RIMBP2: variants seen among roughly 807,000 people sequenced by gnomAD.
The protein encoded by RIMBP2 is RIMS-binding protein 2.
RIMBP2 carries 48 observed loss-of-function variants against 118.6 expected under a neutral mutation model. The observed-to-expected ratio is 0.40, with a 90% CI of 0.32 to 0.51. The LOEUF is 0.51. Ranked by LOEUF, RIMBP2 falls within the 20% of genes least tolerant of loss-of-function variation. RIMBP2 has a pLI of 0.41. For missense variants in RIMBP2, 1,551 were observed against 1,768.3 expected (o/e 0.88, Z 2.20); for synonymous variants, 762 against 742.9 (o/e 1.03, Z -0.42).
Position 130,415,980 on chromosome 12 carries a change from A to AC in RIMBP2, c.3239-1675_3239-1674insG, listed in dbSNP as rs58544830. On this transcript the variant is annotated intron_variant, in intron 17 of 22. Transcript: ENST00000690449. ...ATAGCCACACACACACACACACACA[A>AC]AATATACAGAATACATCTAACCAAG... Among the ~76,000 whole-genome samples the AC allele has an allele frequency of 4.0e-3, 594 of 149,312 alleles. 3 individuals are homozygous for AC. Among genetic ancestry groups the AC allele is most frequent in the African/African-American group, 9.8e-3 (398 of 40,620 alleles).
intron 2 of RIMBP2, among the ~76,000 whole-genome samples, chr12:130,556,443 G>T (rs1443175989): frequency 1.3e-5 from 2 of 152,212 alleles, no homozygotes; most frequent in African/African-American, 4.8e-5. Context: ...GTGCTGTCTG[G>T]AAACAGATAG....
chr12:130,501,439 G>A (rs66756436), intron 4 of RIMBP2, among the ~76,000 whole-genome samples: 20,448 of 152,166 alleles, frequency 0.13, 1,489 homozygotes, highest in Middle Eastern at 0.23. Context: ...AGAGATGGGG[G>A]TTGGACTCTG....
At chr12:130,437,428 C>T in intron 12 of RIMBP2, 137 bp from the exon 13 acceptor site, 1 of 712,384 alleles carries the variant, frequency 1.4e-6, no homozygotes, top group Non-Finnish European at 2.3e-6. Context: ...AACCACCCGC[C>T]AGGTATGGAA....
chr12:130,545,079 C>A (rs755054436), intron 2 of RIMBP2, among the ~76,000 whole-genome samples: 1 of 152,194 alleles, frequency 6.6e-6, no homozygotes, highest in Non-Finnish European at 1.5e-5. Context: ...ACTTATAAAA[C>A]AGTTTACTGG....
intron 2 of RIMBP2, among the ~76,000 whole-genome samples, chr12:130,530,043 T>TC (rs2053211025): frequency 6.6e-6 from 1 of 152,122 alleles, no homozygotes; most frequent in Non-Finnish European, 1.5e-5. Context: ...CAAACCTATA[T>TC]CCCAACAGTA....
chr12:130,573,406 CTGTGTGCGTGTGAG>C (rs1183876826), intron 2 of RIMBP2, among the ~76,000 whole-genome samples: 18 of 149,496 alleles, frequency 1.2e-4, no homozygotes, highest in African/African-American at 4.4e-4. Flanking sequence ...GTGTGTGCGA[CTGTGTGCGTGTGAG>C]TGTGTGCGTG....
rs1454516159 is a variant in RIMBP2, at chr12:130,641,364, C to T, written c.-351-12908G>A. The stretch of plus-strand genomic sequence containing the variant: ...GATGGTGACTGCCGGACACTCGGCC[C>T]GGCTTCACGGGCTGGATTTAGGATG... On this transcript the variant is annotated intron_variant, in intron 1 of 22. Transcript: ENST00000690449. Among the ~76,000 whole-genome samples, 13 of 143,958 alleles carry T rather than the reference C, an allele frequency of 9.0e-5. No individual in the cohort carries two copies. The South Asian group carries it at 1.8e-3, about 20-fold the overall frequency. The allele number at this position is 143,958 out of a possible 152,430, so 94.4% of individuals were successfully genotyped here.
At chr12:130,561,631 A>G (rs1332913397) in intron 2 of RIMBP2, among the ~76,000 whole-genome samples, 4 of 152,166 alleles carry the variant, frequency 2.6e-5, no homozygotes, top group African/African-American at 9.7e-5. Flanking sequence ...TTTAACTCCC[A>G]ACTGGCCATT....
chr12:130,564,451 G>A (rs145950023), intron 2 of RIMBP2, among the ~76,000 whole-genome samples: 41 of 151,974 alleles, frequency 2.7e-4, no homozygotes, highest in African/African-American at 8.7e-4. Flanking sequence ...TTAACATTTC[G>A]CCAGCAACAA....
intron 2 of RIMBP2, among the ~76,000 whole-genome samples, chr12:130,597,895 G>T (rs1317521177): frequency 2.0e-5 from 3 of 152,208 alleles, no homozygotes; most frequent in Non-Finnish European, 4.4e-5. Flanking sequence ...AATGCAATAT[G>T]ACAAGAATGA....
Position 130,570,787 on chromosome 12 carries a change from C to CT in RIMBP2, c.-216-52871dup, listed in dbSNP as rs758019889. Among the ~76,000 whole-genome samples the CT allele has an allele frequency of 5.3e-5, 8 of 152,316 alleles. No homozygotes were observed. In the South Asian group the frequency reaches 1.7e-3, roughly 32 times the overall value. ...CGCAACATCAGTTCCTTCTTATGCA[C>CT]TTTCATGAACATGATGATGACTGGG... On this transcript the variant is annotated intron_variant, in intron 2 of 22. Transcript: ENST00000690449.
chr12:130,399,848 A>AT (rs763571119), intron 21 of RIMBP2, 35 bp from the exon 22 acceptor site: 24 of 1,611,020 alleles, frequency 1.5e-5, no homozygotes, highest in Non-Finnish European at 1.9e-5. Flanking sequence ...AGAACTATTT[A>AT]TTTTTCTAGA....
Position 130,436,165 on chromosome 12 carries a change from G to T in RIMBP2, c.2106+677C>A, listed in dbSNP as rs556475648. Among the ~76,000 whole-genome samples, 26 of 152,316 alleles carry T rather than the reference G, an allele frequency of 1.7e-4. No homozygotes were observed. In the South Asian group the frequency reaches 5.2e-3, roughly 30 times the overall value. ...ATCTCTTCCCCTAGCCCTGCACGGG[G>T]GGCATTGCTCTGCAGGTGATTTCTC... On this transcript the variant is annotated intron_variant, in intron 13 of 22. Coordinates refer to ENST00000690449, the MANE Select transcript of RIMBP2 (RefSeq NM_001393629.1).
chr12:130,566,763 A>T (rs2057252028), intron 2 of RIMBP2, among the ~76,000 whole-genome samples: 1 of 152,252 alleles, frequency 6.6e-6, no homozygotes, highest in African/African-American at 2.4e-5. Context: ...AAATGGTGAG[A>T]TAACCAGAGT....
intron 1 of RIMBP2, among the ~76,000 whole-genome samples, chr12:130,679,766 A>T (rs1042591266): frequency 6.6e-6 from 1 of 152,270 alleles, no homozygotes; most frequent in Non-Finnish European, 1.5e-5. Context: ...GAGAAAGACA[A>T]GCCAAACTTC....
intron 4 of RIMBP2, among the ~76,000 whole-genome samples, chr12:130,499,419 G>C (rs2049517381): frequency 6.6e-6 from 1 of 152,172 alleles, no homozygotes; most frequent in East Asian, 1.9e-4. Flanking sequence ...ATTCAGGTTA[G>C]ATCACATCAT....
At chr12:130,477,750 T>C (rs2081562802) in intron 5 of RIMBP2, among the ~76,000 whole-genome samples, 1 of 152,214 alleles carries the variant, frequency 6.6e-6, no homozygotes, top group South Asian at 2.1e-4. Flanking sequence ...CCCCCCAGGC[T>C]GGGTGAATGA....
At chr12:130,510,667 T>C (rs1021103200) in intron 3 of RIMBP2, among the ~76,000 whole-genome samples, 10 of 152,232 alleles carry the variant, frequency 6.6e-5, no homozygotes, top group African/African-American at 1.9e-4. Context: ...CAAGGTTTTG[T>C]CATGTTGGCC....
At chr12:130,464,261 C>G (rs953170780) in intron 6 of RIMBP2, among the ~76,000 whole-genome samples, 17 of 152,362 alleles carry the variant, frequency 1.1e-4, no homozygotes, top group South Asian at 4.1e-4. Context: ...TGCGCAAGAT[C>G]CAAGAACCCT....
Sources: gnomAD v4.1 joint callset for allele counts (sites outside exome capture counted in the v4.1 genomes callset) on GRCh38, gnomAD v4.1.1 for gene constraint, MANE v1.5 for transcripts, NCBI Gene and HGNC (gene_info 2026-07-23, HGNC 2026-07-21) for gene names.